Variants in CYP2D6 observed in about 807,000 individuals in gnomAD.
CYP2D6 encodes the protein cytochrome P450 2D6.
CYP2D6 carries 51 observed loss-of-function variants against 43.5 expected under a neutral mutation model. That is an observed-to-expected ratio of 1.17 (90% CI 0.94 to 1.48). The LOEUF (loss-of-function observed/expected upper bound fraction) is 1.48, where lower values mean the gene tolerates loss of function less well. Ranked by LOEUF, CYP2D6 falls within the 40% of genes most tolerant of loss-of-function variation. CYP2D6 has a pLI of 0.00. For missense variants in CYP2D6, 698 were observed against 688.0 expected, an observed-to-expected ratio of 1.01 and a Z score of -0.16; for synonymous variants, 346 against 297.1, an observed-to-expected ratio of 1.16 and a Z score of -1.69.
chr22:42,128,945 C>T lies in CYP2D6; in HGVS notation c.506-1G>A, dbSNP rs3892097. Reference sequence around the variant, plus strand: ...AGACCGTTGGGGCGAAAGGGGCGTCCTGGGGGTGGGAGATGCGGGTAAGGG... The same window carrying T: ...AGACCGTTGGGGCGAAAGGGGCGTCTTGGGGGTGGGAGATGCGGGTAAGGG... On this transcript the variant is annotated splice_acceptor_variant, in intron 3 of 8. Transcript: ENST00000645361. LOFTEE classifies it high-confidence loss of function. The T allele has an allele frequency of 0.16, 257,187 of 1,578,198 alleles. 9,043 individuals carry two copies. The highest frequency in any genetic ancestry group is 0.19 in the Non-Finnish European group (215,160 of 1,160,082).
rs1931782957 is a variant in CYP2D6 at position 42,129,888 on chromosome 22, C to T, written c.202G>A (p.Val68Met). 19 of 1,585,004 alleles carry T rather than the reference C, an allele frequency of 1.2e-5. No individual in the cohort carries two copies. The highest frequency in any genetic ancestry group is 9.0e-5 in the East Asian group (4 of 44,292). ...GTCCAGGCCAGCTGCAGGCTGAACA[C>T]GTCCCCGAAGCGGCGCCGCAACTGC... is the stretch of plus-strand genomic sequence containing the variant. ...FDQLRRRFGD[V>M]FSLQLAWTPV... Residue 68 changes from valine to methionine, a missense_variant, in exon 2 of 9, where the codon GTG becomes ATG. Transcript: ENST00000645361.
chr22:42,130,701 C>T lies in CYP2D6; in HGVS notation c.91G>A (p.Ala31Thr), dbSNP rs1282073755. 5 of 1,605,722 alleles carry T rather than the reference C, an allele frequency of 3.1e-6. No individual in the cohort carries two copies. In the Admixed American group the frequency reaches 6.8e-5, roughly 22 times the overall value. Residue 31 changes from alanine (A) to threonine (T), a missense_variant, in exon 1 of 9, where the codon GCA becomes ACA. By Grantham distance (58) the Ala-to-Thr change is moderately conservative. Around this residue, in one of 5 missense-constraint regions of CYP2D6, gnomAD observed 588 missense variants for 521.1 expected, o/e 1.13. Transcript: ENST00000645361. ...DLMHRRQRWAARYPPGPLPLP... is the reference protein window; with the variant it reads ...DLMHRRQRWATRYPPGPLPLP... ...GGCAGGGGGCCTGGTGGGTAGCGTGCAGCCCAGCGTTGGCGCCGGTGCATC... is the reference window on the plus strand; with the variant it reads ...GGCAGGGGGCCTGGTGGGTAGCGTGTAGCCCAGCGTTGGCGCCGGTGCATC...
Position 42,127,549 on chromosome 22 carries a change from A to T in CYP2D6, c.1071T>A (p.Thr357=), listed in dbSNP as rs1205858450. The T allele has an allele frequency of 4.3e-6, 7 of 1,612,214 alleles. No individual in the cohort carries two copies. The highest frequency in any genetic ancestry group is 5.9e-6 in the Non-Finnish European group (7 of 1,178,760). The change falls in exon 7 of 9, where the codon ACT becomes ACA. Residue 357 remains threonine, a synonymous_variant. Coordinates refer to ENST00000645361, the MANE Select transcript of CYP2D6 (RefSeq NM_000106.6). The stretch of plus-strand genomic sequence containing the variant: ...AGCGCTGCACCTCATGAATCACGGC[A>T]GTGGTGTAGGGCATGTGAGCCTGGT... ...MGDQAHMPYT[T]AVIHEVQRFG...
rs367543000 is a variant in CYP2D6, at chr22:42,128,212, G to C, written c.805C>G (p.Arg269Gly). The C allele has an allele frequency of 9.3e-6, 15 of 1,608,840 alleles. No individual in the cohort carries two copies. The highest frequency in any genetic ancestry group is 1.7e-5 in the Admixed American group (1 of 59,650). ...RMTWDPAQPPRDLTEAFLAEM... is the reference protein window; with the variant it reads ...RMTWDPAQPPGDLTEAFLAEM... ...GCCAGGAAGGCCTCAGTCAGGTCTC[G>C]GGGGGGCTGGGCTGGGTCCCAGGTC... Residue 269 changes from arginine (R) to glycine (G), a missense_variant, in exon 5 of 9, where the codon CGA (arginine) becomes GGA (glycine). Arg to Gly is a moderately radical substitution (Grantham distance 125, BLOSUM62 -2). Around this residue, in one of 5 missense-constraint regions of CYP2D6, gnomAD observed 588 missense variants for 521.1 expected, o/e 1.13. Coordinates refer to ENST00000645361, the MANE Select transcript of CYP2D6 (RefSeq NM_000106.6).
chr22:42,128,560 C>G (rs1354737939), intron 4 of CYP2D6, among the ~76,000 whole-genome samples: 7 of 151,034 alleles, frequency 4.6e-5, no homozygotes, highest in Non-Finnish European at 8.9e-5. Flanking sequence ...ATAGGAGGTA[C>G]AGAGTCCTTG....
intron 2 of CYP2D6, among the ~76,000 whole-genome samples, 198 bp downstream of exon 2, chr22:42,129,540 G>A (rs1931672996): frequency 6.6e-6 from 1 of 151,504 alleles, no homozygotes; most frequent in South Asian, 2.1e-4. Flanking sequence ...CTCGGCAGTG[G>A]CCCCGCCCAC....
rs756878211 is a variant in CYP2D6 at position 42,127,646 on chromosome 22, T to C, written c.986-12A>G. The C allele has an allele frequency of 1.3e-5, 21 of 1,610,258 alleles. No individual in the cohort carries two copies. The highest frequency in any genetic ancestry group is 3.3e-4 in the Middle Eastern group (2 of 6,058). ...CTGTTGGACACGGCCTGGACAGACA[T>C]GCGTCCCCACAATGGGTCAGCACCC... On this transcript the variant is annotated splice_polypyrimidine_tract_variant and intron_variant, in intron 6 of 8. Transcript: ENST00000645361.
At chr22:42,130,366 A>G (rs968707150) in intron 1 of CYP2D6, 12 of 594,892 alleles carry the variant, frequency 2.0e-5, no homozygotes, top group South Asian at 5.9e-5. Flanking sequence ...ATGTTGCCCA[A>G]TGGGCTTGCA....
rs1931508889 is a variant in CYP2D6 at position 42,128,963 on chromosome 22, G to A, written c.506-19C>T. On this transcript the variant is annotated intron_variant, in intron 3 of 8. Coordinates refer to ENST00000645361, the MANE Select transcript of CYP2D6 (RefSeq NM_000106.6). ...GGGCGTCCTGGGGGTGGGAGATGCG[G>A]GTAAGGGGTCGCCTTCCCCGTCCCC... The A allele has an allele frequency of 3.8e-6, 6 of 1,583,112 alleles. No homozygotes were observed. Among genetic ancestry groups the A allele is most frequent in the Non-Finnish European group, 5.2e-6 (6 of 1,164,740 alleles).
chr22:42,127,677 G>T (rs1430237020), intron 6 of CYP2D6, 43 bp from the exon 7 acceptor site: 1 of 1,591,510 alleles, frequency 6.3e-7, no homozygotes, highest in Non-Finnish European at 8.6e-7. Flanking sequence ...CACCCAGGGG[G>T]TCCGGCCCTG....
At chr22:42,127,374 C>T (rs1314109542) in intron 7 of CYP2D6, 73 bp downstream of exon 7, 6 of 1,349,102 alleles carry the variant, frequency 4.4e-6, no homozygotes, top group Non-Finnish European at 6.3e-6. Flanking sequence ...AGTGGGCCCA[C>T]CTGGCAGTAG....
chr22:42,128,662 T>C, intron 4 of CYP2D6, 122 bp downstream of exon 4: 1 of 1,165,106 alleles, frequency 8.6e-7, no homozygotes, highest in Non-Finnish European at 1.2e-6. Context: ...TACAGTGGGG[T>C]CTCCTGGAAT....
rs778415243 is a variant in CYP2D6, at chr22:42,127,508, G to A, written c.1112C>T (p.Pro371Leu). Residue 371 changes from proline to leucine, a missense_variant, in exon 7 of 9, where the codon CCC (proline) becomes CTC (leucine). Transcript: ENST00000645361. Reference protein sequence around the residue: ...HEVQRFGDIVPLGVTHMTSRD... With the variant: ...HEVQRFGDIVLLGVTHMTSRD... Reference sequence around the variant, plus strand: ...GGATGTCATATGGGTCACACCCAGGGGGACGATGTCCCCAAAGCGCTGCAC... The same window carrying A: ...GGATGTCATATGGGTCACACCCAGGAGGACGATGTCCCCAAAGCGCTGCAC... The A allele has an allele frequency of 8.1e-6, 13 of 1,611,796 alleles. No homozygotes were observed. Among genetic ancestry groups the A allele is most frequent in the South Asian group, 2.2e-5 (2 of 90,952 alleles).
At position 42,127,653 on chromosome 22, in the gene CYP2D6, C is replaced by A. The variant is rs1385610239; in HGVS notation, c.986-19G>T. Reference sequence around the variant, plus strand: ...ACACGGCCTGGACAGACATGCGTCCCCACAATGGGTCAGCACCCAGGGGGT... The same window carrying A: ...ACACGGCCTGGACAGACATGCGTCCACACAATGGGTCAGCACCCAGGGGGT... On this transcript the variant is annotated intron_variant, in intron 6 of 8. Coordinates refer to ENST00000645361, the MANE Select transcript of CYP2D6 (RefSeq NM_000106.6). The A allele has an allele frequency of 6.2e-7, 1 of 1,609,222 alleles. No homozygotes were observed. Among genetic ancestry groups the A allele is most frequent in the South Asian group, 1.1e-5 (1 of 90,818 alleles).
rs2146928213 is a variant in CYP2D6 at position 42,126,628 on chromosome 22, G to T, written c.1440C>A (p.Val480=). 1.9e-6 allele frequency: 3 copies of T among 1,609,046 alleles called. No homozygotes were observed. Among genetic ancestry groups the T allele is most frequent in the Non-Finnish European group, 2.5e-6 (3 of 1,177,486 alleles). Residue 480 remains valine (V), a synonymous_variant, in exon 9 of 9, where the codon GTC becomes GTA. Transcript: ENST00000645361. ...TGQPRPSHHG[V]FAFLVSPSPY... ...GGGATGGGCTCACCAGGAAAGCAAA[G>T]ACACCATGGTGGCTGGGCCGGGGCT...
intron 1 of CYP2D6, 72 bp downstream of exon 1, chr22:42,130,540 C>T (rs1434143893): frequency 7.7e-7 from 1 of 1,299,300 alleles, no homozygotes; most frequent in African/African-American, 1.6e-5. Flanking sequence ...TGTGGTTTCA[C>T]CCACCATCCA....
chr22:42,128,989 C>T (rs778854608), intron 3 of CYP2D6, 44 bp downstream of exon 3: 66 of 1,588,630 alleles, frequency 4.2e-5, no homozygotes, highest in Middle Eastern at 3.4e-4. Context: ...CCCCGTCCCC[C>T]GCCTTCCCAG....
intron 6 of CYP2D6, 102 bp from the exon 7 acceptor site, chr22:42,127,736 C>T: frequency 3.2e-6 from 5 of 1,570,088 alleles, no homozygotes; most frequent in Non-Finnish European, 4.4e-6. Context: ...TTACAGGATC[C>T]TGGTCAAGCC....
Position 42,128,555 on chromosome 22 carries a change from A to G in CYP2D6, c.667-205T>C, listed in dbSNP as rs1388913350. On this transcript the variant is annotated intron_variant, in intron 4 of 8. Transcript: ENST00000645361. ...AATCGAAATCTCTGACGTGGATAGG[A>G]GGTACAGAGTCCTTGGCCTCTCCTG... Among the ~76,000 whole-genome samples, 16 of 150,328 alleles carry G rather than the reference A, an allele frequency of 1.1e-4. 3 individuals carry two copies. Among genetic ancestry groups the G allele is most frequent in the Non-Finnish European group, 1.9e-4 (13 of 67,558 alleles).
Sources: gnomAD v4.1 joint callset for allele counts (sites outside exome capture counted in the v4.1 genomes callset) on GRCh38, gnomAD v4.1.1 for gene constraint, gnomAD v4.1.1 regional missense constraint, MANE v1.5 for transcripts, NCBI Gene and HGNC (gene_info 2026-07-23, HGNC 2026-07-21) for gene names.